The following PLXNA4 variants were observed in gnomAD, a reference collection of about 807,000 sequenced individuals.
PLXNA4 encodes the protein plexin-A4.
PLXNA4 carries 44 observed loss-of-function variants against 191.8 expected under a neutral mutation model. That is an observed-to-expected ratio of 0.23 (90% CI 0.18 to 0.29). PLXNA4 has a LOEUF of 0.29. Ranked by LOEUF, PLXNA4 falls within the 10% of genes least tolerant of loss-of-function variation. The probability of loss-of-function intolerance (pLI) is 1.00; values close to 1 mark genes in which losing one functional copy is unlikely to be tolerated. For synonymous variants in PLXNA4, 1,082 were observed against 1,009.5 expected (o/e 1.07, Z -1.36); for missense variants, 1,800 against 2,488.8 (o/e 0.72, Z 5.89).
intron 1 of PLXNA4, among the ~76,000 whole-genome samples, chr7:132,548,873 C>T (rs752468084): frequency 3.9e-5 from 6 of 152,128 alleles, no homozygotes; most frequent in South Asian, 2.1e-4. Context: ...AAAACCAAGA[C>T]GGTGATGAAA....
intron 12 of PLXNA4, among the ~76,000 whole-genome samples, chr7:132,200,246 CAAG>C (rs1797387874): frequency 6.6e-6 from 1 of 152,136 alleles, no homozygotes; most frequent in Non-Finnish European, 1.5e-5. Context: ...GGACATAGGC[CAAG>C]AAGAAAGCAA....
intron 3 of PLXNA4, among the ~76,000 whole-genome samples, chr7:132,416,022 T>G (rs1347792591): frequency 6.6e-6 from 1 of 152,224 alleles, no homozygotes; most frequent in Non-Finnish European, 1.5e-5. Context: ...TTAGGTAAAA[T>G]TTAAAATCTA....
intron 3 of PLXNA4, among the ~76,000 whole-genome samples, chr7:132,442,865 G>A (rs573511378): frequency 6.6e-6 from 1 of 152,310 alleles, no homozygotes; most frequent in African/African-American, 2.4e-5. Context: ...AGTTTTTGGG[G>A]CTGGCACGGC....
chr7:132,316,486 C>T lies in PLXNA4; in HGVS notation c.1372-18264G>A, dbSNP rs1801949271. Among the ~76,000 whole-genome samples the T allele has an allele frequency of 3.3e-5, 5 of 152,264 alleles. No individual in the cohort carries two copies. The South Asian group carries it at 1.0e-3, about 32-fold the overall frequency. On this transcript the variant is annotated intron_variant, in intron 3 of 31. Coordinates refer to ENST00000321063, the MANE Select transcript of PLXNA4 (RefSeq NM_020911.2). ...CCCTAAACTCTCACAAACTTCCAGG[C>T]TAAGATTTTAAAACATAGATTTAAC... is the stretch of plus-strand genomic sequence containing the variant.
intron 7 of PLXNA4, among the ~76,000 whole-genome samples, chr7:132,226,592 A>G (rs1468945293): frequency 6.6e-6 from 1 of 151,704 alleles, no homozygotes; most frequent in Non-Finnish European, 1.5e-5. Flanking sequence ...ACACATATGT[A>G]GACTTCTAGG....
chr7:132,431,654 C>T (rs1203833020), intron 3 of PLXNA4, among the ~76,000 whole-genome samples: 1 of 152,214 alleles, frequency 6.6e-6, no homozygotes, highest in African/African-American at 2.4e-5. Flanking sequence ...TGGGAACCCT[C>T]ATGCTCACGA....
chr7:132,500,945 C>T (rs938972119), intron 2 of PLXNA4, among the ~76,000 whole-genome samples: 2 of 152,184 alleles, frequency 1.3e-5, no homozygotes, highest in Non-Finnish European at 2.9e-5. Flanking sequence ...ACCAGTAACC[C>T]GGCCAAGACG....
chr7:132,360,404 T>C (rs1006386659), intron 3 of PLXNA4, among the ~76,000 whole-genome samples: 1 of 152,166 alleles, frequency 6.6e-6, no homozygotes, highest in African/African-American at 2.4e-5. Flanking sequence ...CCAGGCATCA[T>C]CTTTGCCTAT....
rs546301609 is a variant in PLXNA4, at chr7:132,558,269, C to T, written c.-87+18153G>A. 5.3e-5 allele frequency among the ~76,000 whole-genome samples: 8 copies of T among 152,292 alleles called. No homozygotes were observed. The South Asian group carries it at 1.7e-3, about 32-fold the overall frequency. ...AAATATAAGTTTTAGGTGAAAATGC[C>T]ATTCTTTCAAAACAGTATGTGCTGG... On this transcript the variant is annotated intron_variant, in intron 1 of 31. Coordinates refer to ENST00000321063, the MANE Select transcript of PLXNA4 (RefSeq NM_020911.2).
At chr7:132,526,245 A>C (rs904094713) in intron 1 of PLXNA4, among the ~76,000 whole-genome samples, 2 of 152,178 alleles carry the variant, frequency 1.3e-5, no homozygotes, top group African/African-American at 2.4e-5. Context: ...TTCCCACCAA[A>C]GGCTCATGCA....
rs186245701 is a variant in PLXNA4, at chr7:132,390,136, T to A, written c.1372-91914A>T. On this transcript the variant is annotated intron_variant, in intron 3 of 31. Coordinates refer to ENST00000321063, the MANE Select transcript of PLXNA4 (RefSeq NM_020911.2). ...TGCATATGTATGTTTACTGTGGCAC[T>A]GTCCACAATAGCAAAGACTTGGAAC... 2.5e-3 allele frequency among the ~76,000 whole-genome samples: 385 copies of A among 152,326 alleles called. 1 individual carries two copies. The highest frequency in any genetic ancestry group is 8.8e-3 in the African/African-American group (366 of 41,572).
intron 1 of PLXNA4, among the ~76,000 whole-genome samples, chr7:132,561,880 T>C (rs1240699161): frequency 9.5e-4 from 75 of 79,094 alleles, no homozygotes; most frequent in East Asian, 2.1e-3. Flanking sequence ...TCCTCCTCCT[T>C]CTCCTCTGCC....
chr7:132,175,166 T>G (rs1796416787), intron 20 of PLXNA4, among the ~76,000 whole-genome samples: 1 of 152,096 alleles, frequency 6.6e-6, no homozygotes, highest in South Asian at 2.1e-4. Context: ...CAAAGTGTGA[T>G]GATGTGGGGT....
chr7:132,260,507 A>G (rs1233517136), intron 4 of PLXNA4, among the ~76,000 whole-genome samples: 1 of 152,094 alleles, frequency 6.6e-6, no homozygotes, highest in African/African-American at 2.4e-5. Context: ...GACGCCAGGG[A>G]GTACTAGAGT....
At chr7:132,559,701 A>G (rs2116627221) in intron 1 of PLXNA4, among the ~76,000 whole-genome samples, 1 of 152,342 alleles carries the variant, frequency 6.6e-6, no homozygotes, top group African/African-American at 2.4e-5. Flanking sequence ...ACTGTAATGG[A>G]ACACAGGAGC....
At position 132,185,450 on chromosome 7, in the gene PLXNA4, A is replaced by G. The variant is rs940032970; in HGVS notation, c.3007T>C (p.Tyr1003His). Residue 1003 changes from tyrosine (Y) to histidine (H), a missense_variant, in exon 16 of 32, where the codon TAC (tyrosine) becomes CAC (histidine). By Grantham distance (83) the Tyr-to-His change is moderately conservative (BLOSUM62 2). This residue lies in a region of PLXNA4 where 1,397 missense variants were observed against 1,880.4 expected (regional missense o/e 0.74). Transcript: ENST00000321063. ...PCLFHRRSPS[Y>H]IVCNTTSSDE... ...GAGGATGTGGTGTTGCAGACAATGT[A>G]GGATGGAGATCGCCTGGAGGGCAGG... The G allele has an allele frequency of 7.4e-6, 12 of 1,613,056 alleles. No individual in the cohort carries two copies. The highest frequency in any genetic ancestry group is 1.0e-5 in the Non-Finnish European group (12 of 1,179,664).
At chr7:132,644,216 C>T (rs1803811259) in intron 2 of PLXNA4, among the ~76,000 whole-genome samples, 1 of 152,150 alleles carries the variant, frequency 6.6e-6, no homozygotes, top group Non-Finnish European at 1.5e-5. Flanking sequence ...GACTTAACCT[C>T]CTCTCATGGT....
chr7:132,171,077 C>G (rs947261879), intron 21 of PLXNA4, among the ~76,000 whole-genome samples: 2 of 152,226 alleles, frequency 1.3e-5, no homozygotes, highest in Non-Finnish European at 2.9e-5. Context: ...TCAATCTGCC[C>G]ATTTATCTGT....
At chr7:132,450,644 G>A (rs1393198683) in intron 3 of PLXNA4, among the ~76,000 whole-genome samples, 1 of 152,212 alleles carries the variant, frequency 6.6e-6, no homozygotes, top group African/African-American at 2.4e-5. Context: ...TGAAGTCAAC[G>A]GTGGCATCAC....
Sources: allele counts gnomAD v4.1 joint callset (sites outside exome capture counted in the v4.1 genomes callset), GRCh38; gene constraint gnomAD v4.1.1; regional missense constraint gnomAD v4.1.1; transcripts MANE v1.5; gene names NCBI Gene and HGNC (gene_info 2026-07-23, HGNC 2026-07-21).